KLHL7: variants seen among roughly 807,000 people sequenced by gnomAD.
KLHL7 encodes kelch like family member 7.
In KLHL7, 44 loss-of-function variants were observed where a neutral mutation model predicts 67.4. That is an observed-to-expected ratio of 0.65 (90% CI 0.51 to 0.84). KLHL7 has a LOEUF of 0.84. KLHL7 is among the 40% of genes least tolerant of loss of function. The pLI is 0.00. For synonymous variants in KLHL7, 252 were observed against 243.3 expected (o/e 1.04, Z -0.33); for missense variants, 362 against 718.1 (o/e 0.50, Z 5.67).
intron 2 of KLHL7, among the ~76,000 whole-genome samples, chr7:23,124,215 A>AT (rs1783473012): frequency 6.7e-6 from 1 of 149,858 alleles, no homozygotes. Flanking sequence ...AAAAAAAAAA[A>AT]AAAAAAAGCC....
chr7:23,141,228 G>C (rs1250004546), intron 5 of KLHL7, among the ~76,000 whole-genome samples: 1 of 152,226 alleles, frequency 6.6e-6, no homozygotes, highest in African/African-American at 2.4e-5. Context: ...CTGTGTGGCA[G>C]ATAGGACTTT....
chr7:23,142,758 A>G (rs754297062), intron 5 of KLHL7, among the ~76,000 whole-genome samples: 26 of 152,248 alleles, frequency 1.7e-4, no homozygotes, highest in Non-Finnish European at 3.1e-4. Flanking sequence ...AAAACTGTCA[A>G]GGTTGTCAAA....
Position 23,163,796 on chromosome 7 carries a change from T to C in KLHL7, c.937-1902T>C, listed in dbSNP as rs139577399. Among the ~76,000 whole-genome samples, 1,395 of 152,304 alleles carry C rather than the reference T, an allele frequency of 9.2e-3. 9 individuals are homozygous for C. Among genetic ancestry groups the C allele is most frequent in the Admixed American group, 0.015 (236 of 15,296 alleles). On this transcript the variant is annotated intron_variant, in intron 7 of 10. Transcript: ENST00000339077. ...AAGAAATCCTTCTACCCATATCTTT[T>C]CCAGGCTTTCCAATTTTCCGCATTT...
intron 1 of KLHL7, among the ~76,000 whole-genome samples, chr7:23,122,460 G>GC (rs1283745550): frequency 4.6e-5 from 7 of 151,734 alleles, no homozygotes; most frequent in African/African-American, 1.7e-4. Flanking sequence ...GTATTTTTTG[G>GC]TATAGTATGT....
intron 4 of KLHL7, among the ~76,000 whole-genome samples, chr7:23,127,628 A>G (rs1783623733): frequency 6.6e-6 from 1 of 152,114 alleles, no homozygotes; most frequent in Non-Finnish European, 1.5e-5. Context: ...GTGGCAGCTG[A>G]TGGAATCGGG....
At chr7:23,167,743 C>A (rs1785044519) in intron 8 of KLHL7, 93 bp from the exon 9 acceptor site, 4 of 1,147,918 alleles carry the variant, frequency 3.5e-6, no homozygotes, top group Non-Finnish European at 5.2e-6. Context: ...ACCCTAAATT[C>A]TTCCTTCCTT....
chr7:23,154,850 T>C (rs1358441), intron 7 of KLHL7, among the ~76,000 whole-genome samples: 140,896 of 152,262 alleles, frequency 0.93, 65,367 homozygotes, highest in East Asian at 0.99. Context: ...AAGAAGACTA[T>C]ATCTGGCCCT....
intron 5 of KLHL7, among the ~76,000 whole-genome samples, chr7:23,141,481 G>A (rs1784179343): frequency 6.6e-6 from 1 of 152,232 alleles, no homozygotes; most frequent in Non-Finnish European, 1.5e-5. Context: ...AGAGTCTCCA[G>A]GCAGACACAC....
chr7:23,136,686 T>C (rs894279218), intron 4 of KLHL7, among the ~76,000 whole-genome samples: 1 of 152,190 alleles, frequency 6.6e-6, no homozygotes, highest in African/African-American at 2.4e-5. Flanking sequence ...AAATTAACTA[T>C]GGAAGGACAG....
intron 1 of KLHL7, 43 bp from the exon 2 acceptor site, chr7:23,123,734 C>A: frequency 7.5e-7 from 1 of 1,337,276 alleles, no homozygotes; most frequent in Non-Finnish European, 1.1e-6. Context: ...CCAAGCTAGG[C>A]TAGTGAGCCT....
At chr7:23,162,187 C>T (rs1372029158) in intron 7 of KLHL7, among the ~76,000 whole-genome samples, 3 of 152,142 alleles carry the variant, frequency 2.0e-5, no homozygotes, top group Admixed American at 1.3e-4. Context: ...GGGCTAAAGA[C>T]GCAGCTTTGG....
chr7:23,117,865 A>T, intron 1 of KLHL7: 1 of 1,613,608 alleles, frequency 6.2e-7, no homozygotes, highest in Non-Finnish European at 8.5e-7. Context: ...CTGTAGTTGA[A>T]TCTACAATCT....
In KLHL7 at chr7:23,175,345, G is replaced by A. The variant is rs1180599596; in HGVS notation, c.*1047G>A. The A allele has an allele frequency of 2.2e-6, 1 of 453,894 alleles. No homozygotes were observed. The highest frequency in any genetic ancestry group is 2.3e-5 in the Admixed American group (1 of 42,564). The allele number at this position is 453,894 out of a possible 1,614,324, so 28.1% of individuals were successfully genotyped here. ...CTAGTAATACTTTGCCTTTTTCACT[G>A]TGTATGGAATGAAACATGTAAAGCT... On this transcript the variant is annotated 3_prime_UTR_variant, in exon 11 of 11. Transcript: ENST00000339077.
At chr7:23,151,333 C>CT (rs1228640258) in intron 6 of KLHL7, among the ~76,000 whole-genome samples, 2 of 152,114 alleles carry the variant, frequency 1.3e-5, no homozygotes, top group Non-Finnish European at 2.9e-5. Flanking sequence ...TGAAATGATA[C>CT]TTTAACAGTT....
intron 9 of KLHL7, among the ~76,000 whole-genome samples, chr7:23,170,085 G>A (rs548825801): frequency 6.6e-5 from 10 of 152,208 alleles, no homozygotes; most frequent in Non-Finnish European, 1.0e-4. Context: ...GTGGTGGCGC[G>A]TGCCTGTAAT....
At chr7:23,146,630 A>T (rs1429056617) in intron 6 of KLHL7, among the ~76,000 whole-genome samples, 1 of 150,212 alleles carries the variant, frequency 6.7e-6, no homozygotes, top group East Asian at 1.9e-4. Context: ...TTGTGCATTT[A>T]TCACTTATAG....
chr7:23,106,461 G>C (rs1782644119), intron 1 of KLHL7: 1 of 1,215,966 alleles, frequency 8.2e-7, no homozygotes, highest in African/African-American at 1.6e-5. Flanking sequence ...TGTGGGGCGA[G>C]GATCCTTCCA....
In KLHL7 at chr7:23,143,841, T is replaced by C. The variant is rs766800278; in HGVS notation, c.619-10T>C. On this transcript the variant is annotated splice_polypyrimidine_tract_variant and intron_variant, in intron 5 of 10. Transcript: ENST00000339077. Reference sequence around the variant, plus strand: ...TCTAAGAACTTTACTGTGCTGTTTTTCCCCCTTAGGTTTATGATGCTGCAG... The same window carrying C: ...TCTAAGAACTTTACTGTGCTGTTTTCCCCCCTTAGGTTTATGATGCTGCAG... 1.9e-6 allele frequency: 3 copies of C among 1,613,958 alleles called. No homozygotes were observed. In the Admixed American group the frequency reaches 5.0e-5, roughly 27 times the overall value.
At chr7:23,143,186 G>T (rs936793570) in intron 5 of KLHL7, among the ~76,000 whole-genome samples, 1 of 152,184 alleles carries the variant, frequency 6.6e-6, no homozygotes, top group African/African-American at 2.4e-5. Flanking sequence ...TATGGGAGAT[G>T]TGTGTGTATA....
Sources: allele counts gnomAD v4.1 joint callset (sites outside exome capture counted in the v4.1 genomes callset), GRCh38; gene constraint gnomAD v4.1.1; transcripts MANE v1.5; gene names NCBI Gene and HGNC (gene_info 2026-07-23, HGNC 2026-07-21).